PHF24: variants seen among roughly 807,000 people sequenced by gnomAD.
The protein encoded by PHF24 is Galpha inhibitory interacting protein.
In PHF24, 25 loss-of-function variants were observed where a neutral mutation model predicts 42.6. That is an observed-to-expected ratio of 0.59 (90% CI 0.43 to 0.82). The LOEUF is 0.82. PHF24 is among the 40% of genes least tolerant of loss of function. The pLI, the probability that PHF24 is intolerant of heterozygous loss-of-function variation, is 0.00. For missense variants in PHF24, 470 were observed against 538.1 expected, an observed-to-expected ratio of 0.87 and a Z score of 1.25; for synonymous variants, 185 against 204.8, an observed-to-expected ratio of 0.90 and a Z score of 0.83.
the PHF24 span, among the ~76,000 whole-genome samples, chr9:34,731,380 T>C: frequency 6.6e-6 from 1 of 152,224 alleles, no homozygotes; most frequent in Non-Finnish European, 1.5e-5. Flanking sequence ...TTATTTATTC[T>C]ATCTAATTAT....
chr9:34,933,401 GACTC>G, the PHF24 span, among the ~76,000 whole-genome samples: 8 of 152,138 alleles, frequency 5.3e-5, no homozygotes, highest in Admixed American at 5.2e-4. Context: ...CTATGATATA[GACTC>G]ACTCTATTAT....
chr9:34,712,370 C>T, the PHF24 span, among the ~76,000 whole-genome samples: 1 of 151,946 alleles, frequency 6.6e-6, no homozygotes, highest in South Asian at 2.1e-4. Context: ...GTCATTATTT[C>T]TTCAATTTTT....
chr9:34,679,365 G>A, the PHF24 span, among the ~76,000 whole-genome samples: 2 of 152,200 alleles, frequency 1.3e-5, no homozygotes, highest in African/African-American at 2.4e-5. Context: ...CTTGATGACC[G>A]TTGACTCATA....
At chr9:34,731,367 G>A in the PHF24 span, among the ~76,000 whole-genome samples, 1 of 152,100 alleles carries the variant, frequency 6.6e-6, no homozygotes, top group South Asian at 2.1e-4. Context: ...CAAATACTAG[G>A]TCTTATTTAT....
At chr9:34,903,961 T>C in the PHF24 span, among the ~76,000 whole-genome samples, 1 of 152,180 alleles carries the variant, frequency 6.6e-6, no homozygotes, top group Non-Finnish European at 1.5e-5. Context: ...GGAGGTTGAG[T>C]TCTTGATTTG....
In PHF24 at chr9:34,976,144, A is replaced by T; in HGVS notation, c.565-8A>T. The T allele has an allele frequency of 6.2e-7, 1 of 1,611,832 alleles. No individual in the cohort carries two copies. Among genetic ancestry groups the T allele is most frequent in the Non-Finnish European group, 8.5e-7 (1 of 1,178,372 alleles). On this transcript the variant is annotated splice_region_variant and splice_polypyrimidine_tract_variant and intron_variant, in intron 3 of 7. Transcript: ENST00000242315. ...ATGGCCACCGACTCAGCTCTTCCTT[A>T]TTTTCAGGACAACATCAACTTGCTG...
At chr9:34,762,417 T>C in the PHF24 span, among the ~76,000 whole-genome samples, 10 of 151,646 alleles carry the variant, frequency 6.6e-5, no homozygotes, top group Admixed American at 6.6e-4. Flanking sequence ...TAGCTCATTG[T>C]GGTTTTGATT....
the PHF24 span, among the ~76,000 whole-genome samples, chr9:34,916,066 G>T: frequency 1.3e-5 from 2 of 152,126 alleles, no homozygotes; most frequent in Admixed American, 1.3e-4. Flanking sequence ...TGCCATGATT[G>T]TAAGTTTCCC....
At chr9:34,688,275 C>T in the PHF24 span, among the ~76,000 whole-genome samples, 1 of 152,174 alleles carries the variant, frequency 6.6e-6, no homozygotes, top group African/African-American at 2.4e-5. Flanking sequence ...GTCATCTGAC[C>T]CCAGTGGCAC....
At chr9:34,834,924 C>T in the PHF24 span, 14 of 1,429,182 alleles carry the variant, frequency 9.8e-6, 1 homozygote, top group Non-Finnish European at 1.3e-5. Flanking sequence ...GGCTTGGGCA[C>T]ATTTTCAATC....
chr9:34,682,150 A>ATTTTTT, the PHF24 span, among the ~76,000 whole-genome samples: 105 of 93,054 alleles, frequency 1.1e-3, 1 homozygote, highest in East Asian at 3.5e-3. Flanking sequence ...AATTATTTCT[A>ATTTTTT]TTTTTTTTTT....
chr9:34,946,509 G>A, the PHF24 span, among the ~76,000 whole-genome samples: 1 of 152,076 alleles, frequency 6.6e-6, no homozygotes, highest in African/African-American at 2.4e-5. Context: ...AGGTTTATAG[G>A]CACAATTTTA....
the PHF24 span, chr9:34,922,663 AG>A: frequency 8.3e-7 from 1 of 1,208,410 alleles, no homozygotes; most frequent in East Asian, 2.3e-5. Context: ...GCTAGGTCTC[AG>A]TTTTCTCTCT....
the PHF24 span, among the ~76,000 whole-genome samples, chr9:34,685,793 G>T: frequency 6.6e-6 from 1 of 152,316 alleles, no homozygotes; most frequent in East Asian, 1.9e-4. Context: ...CCCAAAAGTA[G>T]TGGCTTTCCC....
At chr9:34,853,873 C>T in the PHF24 span, among the ~76,000 whole-genome samples, 2 of 151,460 alleles carry the variant, frequency 1.3e-5, no homozygotes, top group Admixed American at 6.6e-5. Context: ...TTCTTTGTAC[C>T]TCTGGTAGGA....
chr9:34,735,461 T>C, the PHF24 span, among the ~76,000 whole-genome samples: 1 of 151,480 alleles, frequency 6.6e-6, no homozygotes, highest in Non-Finnish European at 1.5e-5. Flanking sequence ...AACAAAATAT[T>C]ATTACAAGGC....
chr9:34,690,975 G>C, the PHF24 span: 1 of 871,886 alleles, frequency 1.1e-6, no homozygotes, highest in African/African-American at 1.7e-5. Flanking sequence ...ACAGACCTAA[G>C]CATTTGCCTG....
chr9:34,764,645 A>C, the PHF24 span, among the ~76,000 whole-genome samples: 1 of 152,132 alleles, frequency 6.6e-6, no homozygotes, highest in Non-Finnish European at 1.5e-5. Context: ...CTTTCAAAAA[A>C]CCAGCTCCTG....
the PHF24 span, among the ~76,000 whole-genome samples, chr9:34,943,298 C>A: frequency 6.6e-6 from 1 of 152,170 alleles, no homozygotes; most frequent in South Asian, 2.1e-4. Context: ...TTCAAGGTTT[C>A]TACTTGGCCT....
Sources: gnomAD v4.1 joint callset for allele counts (sites outside exome capture counted in the v4.1 genomes callset) on GRCh38, gnomAD v4.1.1 for gene constraint, MANE v1.5 for transcripts, NCBI Gene and HGNC (gene_info 2026-07-23, HGNC 2026-07-21) for gene names.